Variants in XPO5 observed in about 807,000 individuals in gnomAD.
XPO5 encodes the protein exportin 5.
A neutral mutation model predicts 160.6 loss-of-function variants in XPO5; 46 were observed. That is an observed-to-expected ratio of 0.29 (90% confidence interval 0.23 to 0.37). The LOEUF is 0.37. Ranked by LOEUF, XPO5 falls within the 10% of genes least tolerant of loss-of-function variation. The pLI, the probability that XPO5 is intolerant of heterozygous loss-of-function variation, is 1.00. For synonymous variants in XPO5, 537 were observed against 519.3 expected, an observed-to-expected ratio of 1.03 and a Z score of -0.46; for missense variants, 1,090 against 1,463.9, an observed-to-expected ratio of 0.74 and a Z score of 4.17.
In XPO5 at chr6:43,524,451, A is replaced by G. The variant is rs538200648; in HGVS notation, c.3477+20T>C. The G allele has an allele frequency of 3.7e-6, 6 of 1,611,052 alleles. No individual in the cohort carries two copies. Among genetic ancestry groups the G allele is most frequent in the East Asian group, 4.5e-5 (2 of 44,846 alleles). On this transcript the variant is annotated intron_variant, in intron 31 of 31. Transcript: ENST00000265351. ...ATTTAAGAAGGGGGTTGGGAGCACT[A>G]TTGAAGGTGCATGACCTACCCCAAT...
intron 7 of XPO5, among the ~76,000 whole-genome samples, chr6:43,566,954 C>T (rs1385081983): frequency 6.6e-6 from 1 of 151,902 alleles, no homozygotes; most frequent in Non-Finnish European, 1.5e-5. Context: ...ATGGCTATTT[C>T]AAGAACCATG....
rs772002616 is a variant in XPO5 at position 43,523,665 on chromosome 6, C to T, written c.*203G>A. 7.0e-6 allele frequency: 6 copies of T among 858,158 alleles called. No homozygotes were observed. Among genetic ancestry groups the T allele is most frequent in the Non-Finnish European group, 1.2e-5 (6 of 494,678 alleles). The allele number at this position is 858,158 out of a possible 1,614,324, so 53.2% of individuals were successfully genotyped here. A position where few individuals can be genotyped will look rare whatever the true frequency, so the allele number is the denominator to read the frequency against. On this transcript the variant is annotated 3_prime_UTR_variant, in exon 32 of 32. Transcript: ENST00000265351. ...GGACATCTAGACAGAATAGTTTAAGCCCTAACTCCCTTTCTTGATACTTTA... is the reference window on the plus strand; with the variant it reads ...GGACATCTAGACAGAATAGTTTAAGTCCTAACTCCCTTTCTTGATACTTTA...
chr6:43,571,058 C>G (rs1762983436), intron 3 of XPO5, 64 bp from the exon 4 acceptor site: 2 of 1,545,232 alleles, frequency 1.3e-6, no homozygotes, highest in Non-Finnish European at 1.7e-6. Flanking sequence ...CAGAAAAAAG[C>G]TGGGCTGTAG....
At chr6:43,566,358 C>T (rs1001004509) in intron 7 of XPO5, among the ~76,000 whole-genome samples, 8 of 152,038 alleles carry the variant, frequency 5.3e-5, no homozygotes, top group African/African-American at 1.9e-4. Context: ...TGCGCCACTG[C>T]ACTCCAGCCT....
chr6:43,542,259 C>T (rs1275191402), intron 20 of XPO5, among the ~76,000 whole-genome samples: 1 of 152,080 alleles, frequency 6.6e-6, no homozygotes, highest in East Asian at 1.9e-4. Flanking sequence ...TTCAAGTGCT[C>T]AATAGTTTCA....
intron 23 of XPO5, chr6:43,529,193 G>T: frequency 6.9e-7 from 1 of 1,449,524 alleles, no homozygotes. Context: ...TAAAAAAATA[G>T]GAAGGAGGAC....
At chr6:43,531,253 AG>A (rs1406703136) in intron 22 of XPO5, among the ~76,000 whole-genome samples, 4 of 152,202 alleles carry the variant, frequency 2.6e-5, no homozygotes, top group Non-Finnish European at 5.9e-5. Flanking sequence ...AACACAGACA[AG>A]TTGGGCATGA....
intron 8 of XPO5, among the ~76,000 whole-genome samples, chr6:43,563,191 T>A (rs942586000): frequency 1.3e-5 from 2 of 152,170 alleles, no homozygotes; most frequent in Non-Finnish European, 2.9e-5. Flanking sequence ...GTGGCTCAAA[T>A]ATGGCTCACT....
chr6:43,529,024 T>C, intron 23 of XPO5, 99 bp from the exon 24 acceptor site: 1 of 1,219,328 alleles, frequency 8.2e-7, no homozygotes, highest in South Asian at 1.5e-5. Context: ...CCTAAAGGAT[T>C]TGCCAGATGT....
intron 20 of XPO5, chr6:43,539,549 C>T: frequency 7.2e-7 from 1 of 1,396,742 alleles, no homozygotes. Context: ...GGCCTTGCCT[C>T]CGCGAGCTCC....
chr6:43,539,791 G>C (rs1455562556), intron 20 of XPO5: 1 of 565,108 alleles, frequency 1.8e-6, no homozygotes, highest in East Asian at 2.9e-5. Flanking sequence ...TTGAAGGTCT[G>C]GGAGAACTCC....
rs376123032 is a variant in XPO5 at position 43,575,968 on chromosome 6, C to G, written c.-104G>C. 12 of 1,164,240 alleles carry G rather than the reference C, an allele frequency of 1.0e-5. No homozygotes were observed. The highest frequency in any genetic ancestry group is 2.1e-5 in the Admixed American group (1 of 48,304). 72.1% of individuals were successfully genotyped at this position (1,164,240 alleles called of 1,614,324 possible). A position where few individuals can be genotyped will look rare whatever the true frequency, so the allele number is the denominator to read the frequency against. ...CCCGTTGGTACCGGGCCGCGGCGGGCGGCGGGGGTGGGAAGCTGGAGGAGG... is the reference window on the plus strand; with the variant it reads ...CCCGTTGGTACCGGGCCGCGGCGGGGGGCGGGGGTGGGAAGCTGGAGGAGG... On this transcript the variant is annotated 5_prime_UTR_variant, in exon 1 of 32. Coordinates refer to ENST00000265351, the MANE Select transcript of XPO5 (RefSeq NM_020750.3).
intron 14 of XPO5, among the ~76,000 whole-genome samples, chr6:43,552,319 G>A (rs953728346): frequency 6.6e-6 from 1 of 151,922 alleles, no homozygotes; most frequent in Non-Finnish European, 1.5e-5. Flanking sequence ...TAGCCTCCAC[G>A]TGCTAGGATT....
At chr6:43,527,282 T>C (rs944476705) in intron 26 of XPO5, 2 of 204,404 alleles carry the variant, frequency 9.8e-6, no homozygotes, top group African/African-American at 2.3e-5. Context: ...AAACATGAAC[T>C]TTTTTTTTGA....
intron 3 of XPO5, among the ~76,000 whole-genome samples, chr6:43,571,364 C>A (rs1762998501): frequency 6.6e-6 from 1 of 151,798 alleles, no homozygotes; most frequent in African/African-American, 2.4e-5. Flanking sequence ...TATGAAGGGG[C>A]AAATGAATAT....
Position 43,549,479 on chromosome 6 carries a change from A to G in XPO5, c.1860+10T>C. 1.2e-6 allele frequency: 2 copies of G among 1,604,592 alleles called. No homozygotes were observed. The highest frequency in any genetic ancestry group is 2.2e-5 in the South Asian group (2 of 89,792). On this transcript the variant is annotated intron_variant, in intron 17 of 31. Transcript: ENST00000265351. Reference sequence around the variant, plus strand: ...AACTTGGCTACTTCAGCCAGGGTCCAGCAGCTTACCAGCACAAGCTGGGGG... The same window carrying G: ...AACTTGGCTACTTCAGCCAGGGTCCGGCAGCTTACCAGCACAAGCTGGGGG...
intron 4 of XPO5, 29 bp from the exon 5 acceptor site, chr6:43,570,713 A>T: frequency 6.4e-7 from 1 of 1,562,458 alleles, no homozygotes; most frequent in Non-Finnish European, 8.6e-7. Context: ...GCTAGTTAAA[A>T]ACTAAAATAT....
rs2127756407 is a variant in XPO5, at chr6:43,570,932, C to T, written c.363G>A (p.Val121=). 6.2e-7 allele frequency: 1 copy of T among 1,613,770 alleles called. No homozygotes were observed. Among genetic ancestry groups the T allele is most frequent in the East Asian group, 2.2e-5 (1 of 44,878 alleles). The part of the protein sequence containing the change: ...HIKDALSRIV[V]EMIKREWPQH... ...GTGGCCACTCTCGCTTGATCATTTC[C>T]ACTACAATTCGAGACAGAGCATCTT... The change falls in exon 4 of 32, where the codon GTG becomes GTA. Residue 121 remains valine, a synonymous_variant. Transcript: ENST00000265351.
At position 43,575,916 on chromosome 6, in the gene XPO5, G is replaced by C. The variant is rs534918204; in HGVS notation, c.-52C>G. Reference sequence around the variant, plus strand: ...CACCACTGCAGTCCCGGGACCACGAGGCACGACAGCTCCCTCGGCGAGACC... The same window carrying C: ...CACCACTGCAGTCCCGGGACCACGACGCACGACAGCTCCCTCGGCGAGACC... On this transcript the variant is annotated 5_prime_UTR_variant, in exon 1 of 32. Coordinates refer to ENST00000265351, the MANE Select transcript of XPO5 (RefSeq NM_020750.3). 161 of 1,570,418 alleles carry C rather than the reference G, an allele frequency of 1.0e-4. No individual in the cohort carries two copies. Among genetic ancestry groups the C allele is most frequent in the Non-Finnish European group, 1.3e-4 (150 of 1,147,288 alleles).
Sources: allele counts gnomAD v4.1 joint callset (sites outside exome capture counted in the v4.1 genomes callset), GRCh38; gene constraint gnomAD v4.1.1; transcripts MANE v1.5; gene names NCBI Gene and HGNC (gene_info 2026-07-23, HGNC 2026-07-21).